Variants in PRRC2B observed in about 807,000 individuals in gnomAD.
The protein encoded by PRRC2B is proline rich coiled-coil 2B, also known as protein PRRC2B.
In PRRC2B, 68 loss-of-function variants were observed where a neutral mutation model predicts 242.3. The ratio of observed to expected loss-of-function variants is 0.28; its 90% CI spans 0.23 to 0.34. The LOEUF (loss-of-function observed/expected upper bound fraction) is 0.34, where lower values mean the gene tolerates loss of function less well. Among genes scored for constraint, PRRC2B ranks in the 10% least tolerant of loss-of-function variants. PRRC2B has a pLI of 1.00. For synonymous variants in PRRC2B, 1,228 were observed against 1,173.6 expected, an observed-to-expected ratio of 1.05 and a Z score of -0.95; for missense variants, 2,835 against 2,954.8, an observed-to-expected ratio of 0.96 and a Z score of 0.94.
chr9:131,484,174 C>G (rs1411475488), intron 23 of PRRC2B, among the ~76,000 whole-genome samples: 3 of 152,216 alleles, frequency 2.0e-5, no homozygotes, highest in Non-Finnish European at 4.4e-5. Context: ...GGCACTGTTG[C>G]ATTTCCAGCC....
At chr9:131,460,961 T>TA (rs1943225246) in intron 11 of PRRC2B, among the ~76,000 whole-genome samples, 3 of 152,302 alleles carry the variant, frequency 2.0e-5, no homozygotes, top group Admixed American at 2.0e-4. Context: ...TATGTAGGTA[T>TA]ATGTGTGTGC....
chr9:131,474,626 C>T lies in PRRC2B; in HGVS notation c.2497C>T (p.Pro833Ser). The change falls in exon 16 of 32, where the codon CCC becomes TCC. Residue 833 changes from proline to serine, a missense_variant. Pro to Ser is a moderately conservative substitution (Grantham distance 74, BLOSUM62 -1). Around this residue, in one of 7 missense-constraint regions of PRRC2B, gnomAD observed 1,536 missense variants for 1,483.1 expected, o/e 1.04. Coordinates refer to ENST00000683519, the MANE Select transcript of PRRC2B (RefSeq NM_013318.4). ...QRIGQELLFP[P>S]QENVQDAGAP... is the part of the protein sequence containing the mutation. The stretch of plus-strand genomic sequence containing the variant: ...AATAGGCCAGGAGCTTTTGTTTCCA[C>T]CCCAAGAAAATGTTCAGGATGCAGG... 1.9e-6 allele frequency: 3 copies of T among 1,613,982 alleles called. No homozygotes were observed. The highest frequency in any genetic ancestry group is 2.5e-6 in the Non-Finnish European group (3 of 1,179,890).
intron 1 of PRRC2B, among the ~76,000 whole-genome samples, chr9:131,396,687 C>T (rs1171863447): frequency 2.0e-5 from 3 of 152,094 alleles, no homozygotes; most frequent in African/African-American, 4.8e-5. Flanking sequence ...GACTTCCCCA[C>T]CCCAAATTCT....
Position 131,478,516 on chromosome 9 carries a change from G to GTGA in PRRC2B, c.4656_4658dup (p.Ser1552_Glu1553insAsp). ...TGCGGGTCCAGCCCCGGGGAGGAGA[G>GTGA]TGAGGTGGGTTCTATGGTGGGCGAA... On this transcript the variant is annotated inframe_insertion, in exon 18 of 32. Coordinates refer to ENST00000683519, the MANE Select transcript of PRRC2B (RefSeq NM_013318.4). 6.2e-7 allele frequency: 1 copy of GTGA among 1,613,528 alleles called. No individual in the cohort carries two copies. The highest frequency in any genetic ancestry group is 1.1e-5 in the South Asian group (1 of 91,068).
At chr9:131,382,176 C>T (rs138926598) in intron 1 of PRRC2B, among the ~76,000 whole-genome samples, 2,288 of 152,212 alleles carry the variant, frequency 0.015, 24 homozygotes, top group Non-Finnish European at 0.025. Flanking sequence ...GCCACCACGC[C>T]CGGCTAAGTT....
chr9:131,416,178 G>A (rs142642827), intron 1 of PRRC2B, among the ~76,000 whole-genome samples: 2 of 151,566 alleles, frequency 1.3e-5, no homozygotes, highest in East Asian at 1.9e-4. Flanking sequence ...GCGCCATCTC[G>A]GCTCACTGCA....
Position 131,499,571 on chromosome 9 carries a change from A to G in PRRC2B, c.*3697A>G, listed in dbSNP as rs1413151019. ...AAGTCATCCAGGACAGGAGTGGCTC[A>G]GTGTTGGGGATGGACGCTGTCGCCC... is the stretch of plus-strand genomic sequence containing the variant. On this transcript the variant is annotated 3_prime_UTR_variant, in exon 32 of 32. Transcript: ENST00000683519. 6.6e-6 allele frequency: 1 copy of G among 152,224 alleles called. No individual in the cohort carries two copies. Among genetic ancestry groups the G allele is most frequent in the Non-Finnish European group, 1.5e-5 (1 of 68,050 alleles). The allele number at this position is 152,224 out of a possible 1,614,324, so 9.4% of individuals were successfully genotyped here.
At chr9:131,464,430 C>G (rs115950562) in intron 11 of PRRC2B, among the ~76,000 whole-genome samples, 1 of 152,258 alleles carries the variant, frequency 6.6e-6, no homozygotes, top group African/African-American at 2.4e-5. Flanking sequence ...GCTTGCATGC[C>G]CATCAGCAGT....
intron 1 of PRRC2B, among the ~76,000 whole-genome samples, chr9:131,406,131 A>T (rs1274843468): frequency 6.6e-6 from 1 of 151,978 alleles, no homozygotes; most frequent in Admixed American, 6.6e-5. Flanking sequence ...GCTTTTGTAC[A>T]CTTGGGGCTT....
chr9:131,439,271 G>C (rs1838477664), intron 5 of PRRC2B, among the ~76,000 whole-genome samples: 1 of 152,184 alleles, frequency 6.6e-6, no homozygotes, highest in African/African-American at 2.4e-5. Flanking sequence ...GTGTGCTCTT[G>C]CTGAGACAGA....
chr9:131,454,821 A>C (rs1335648788), intron 9 of PRRC2B, among the ~76,000 whole-genome samples: 1 of 152,050 alleles, frequency 6.6e-6, no homozygotes, highest in Non-Finnish European at 1.5e-5. Context: ...TTTTTAGTAG[A>C]GACGGGGTTT....
chr9:131,455,020 C>A, intron 9 of PRRC2B, 56 bp from the exon 10 acceptor site: 1 of 1,391,344 alleles, frequency 7.2e-7, no homozygotes, highest in Non-Finnish European at 1.0e-6. Flanking sequence ...CCACGTCCGG[C>A]CACCACTGAC....
At chr9:131,406,549 G>A (rs1837365922) in intron 1 of PRRC2B, among the ~76,000 whole-genome samples, 1 of 152,140 alleles carries the variant, frequency 6.6e-6, no homozygotes, top group Non-Finnish European at 1.5e-5. Flanking sequence ...CAGCCACTTA[G>A]ACCTACCTGC....
At position 131,470,869 on chromosome 9, in the gene PRRC2B, C is replaced by T; in HGVS notation, c.1993C>T (p.Pro665Ser). Reference protein sequence around the residue: ...HPQRTFYPHHPQMLGFDPRWM... With the variant: ...HPQRTFYPHHSQMLGFDPRWM... ...CCAGCGCACCTTTTACCCACACCACCCCCAGATGTTGGGCTTCGATCCCAG... is the reference window on the plus strand; with the variant it reads ...CCAGCGCACCTTTTACCCACACCACTCCCAGATGTTGGGCTTCGATCCCAG... Residue 665 changes from proline to serine, a missense_variant, in exon 14 of 32, where the codon CCC (proline) becomes TCC (serine). Transcript: ENST00000683519. 6.2e-7 allele frequency: 1 copy of T among 1,608,628 alleles called. No homozygotes were observed. Among genetic ancestry groups the T allele is most frequent in the Non-Finnish European group, 8.5e-7 (1 of 1,176,320 alleles).
In PRRC2B at chr9:131,464,758, G is replaced by C; in HGVS notation, c.1405-5G>C. The C allele has an allele frequency of 6.3e-7, 1 of 1,578,106 alleles. No homozygotes were observed. Among genetic ancestry groups the C allele is most frequent in the Non-Finnish European group, 8.6e-7 (1 of 1,159,136 alleles). Reference sequence around the variant, plus strand: ...CGCCTTATCTCAGAGACATTCTCTTGGCAGAAGTCATCAATGGGCAGCATG... The same window carrying C: ...CGCCTTATCTCAGAGACATTCTCTTCGCAGAAGTCATCAATGGGCAGCATG... On this transcript the variant is annotated splice_polypyrimidine_tract_variant and splice_region_variant and intron_variant, in intron 11 of 31. Coordinates refer to ENST00000683519, the MANE Select transcript of PRRC2B (RefSeq NM_013318.4).
In PRRC2B at chr9:131,499,212, C is replaced by T. The variant is rs3739500; in HGVS notation, c.*3338C>T. The T allele has an allele frequency of 0.052, 7,952 of 152,270 alleles. 288 individuals carry two copies. Among genetic ancestry groups the T allele is most frequent in the Admixed American group, 0.11 (1,732 of 15,290 alleles). 9.4% of individuals were successfully genotyped at this position (152,270 alleles called of 1,614,324 possible). ...CCCTCCTATCTTCTGGATCTGCCTT[C>T]GCGATGGTCAGTGACAGCTTCTGGA... is the stretch of plus-strand genomic sequence containing the variant. On this transcript the variant is annotated 3_prime_UTR_variant, in exon 32 of 32. Coordinates refer to ENST00000683519, the MANE Select transcript of PRRC2B (RefSeq NM_013318.4).
At chr9:131,443,243 C>G (rs1397045925) in intron 5 of PRRC2B, among the ~76,000 whole-genome samples, 1 of 151,760 alleles carries the variant, frequency 6.6e-6, no homozygotes, top group Non-Finnish European at 1.5e-5. Context: ...ACGCCATTCT[C>G]CTGCCTCAGC....
chr9:131,403,221 G>A (rs986424822), intron 1 of PRRC2B, among the ~76,000 whole-genome samples: 5 of 152,328 alleles, frequency 3.3e-5, no homozygotes, highest in Admixed American at 3.3e-4. Context: ...TGGACTGAAT[G>A]GGCCAAGTGT....
intron 28 of PRRC2B, chr9:131,490,386 A>G (rs1944154168): frequency 3.9e-6 from 2 of 509,164 alleles, no homozygotes; most frequent in South Asian, 2.9e-5. Flanking sequence ...ACCCCAAGTC[A>G]GCACTCTATA....
Sources: gnomAD v4.1 joint callset for allele counts (sites outside exome capture counted in the v4.1 genomes callset) on GRCh38, gnomAD v4.1.1 for gene constraint, gnomAD v4.1.1 regional missense constraint, MANE v1.5 for transcripts, NCBI Gene and HGNC (gene_info 2026-07-23, HGNC 2026-07-21) for gene names.